The following PAK1 variants were observed in gnomAD, a reference collection of about 807,000 sequenced individuals.
The protein encoded by PAK1 is p21 (RAC1) activated kinase 1.
A neutral mutation model predicts 67.4 loss-of-function variants in PAK1; 29 were observed. The ratio of observed to expected loss-of-function variants is 0.43; its 90% CI spans 0.32 to 0.59. The LOEUF (loss-of-function observed/expected upper bound fraction) is 0.59, where lower values mean the gene tolerates loss of function less well. PAK1 is among the 20% of genes least tolerant of loss of function. The probability of loss-of-function intolerance (pLI) is 0.07; values close to 1 mark genes in which losing one functional copy is unlikely to be tolerated. For missense variants in PAK1, 337 were observed against 670.7 expected (o/e 0.50, Z 5.50); for synonymous variants, 223 against 237.4 (o/e 0.94, Z 0.56).
chr11:77,491,137 G>GA, the PAK1 span, among the ~76,000 whole-genome samples: 26 of 92,950 alleles, frequency 2.8e-4, no homozygotes, highest in South Asian at 9.4e-4. Flanking sequence ...AAAAAAAAAA[G>GA]AAAAAAAAAA....
At chr11:77,390,657 C>T (rs914399685) in intron 2 of PAK1, among the ~76,000 whole-genome samples, 3 of 147,310 alleles carry the variant, frequency 2.0e-5, no homozygotes, top group Non-Finnish European at 3.0e-5. Context: ...CCACCATGCC[C>T]GACTCCTTTT....
chr11:77,403,241 T>C lies in PAK1; in HGVS notation c.-21-10700A>G, dbSNP rs577596415. 1.5e-4 allele frequency among the ~76,000 whole-genome samples: 23 copies of C among 152,348 alleles called. No homozygotes were observed. The East Asian group carries it at 4.2e-3, about 28-fold the overall frequency. The stretch of plus-strand genomic sequence containing the variant: ...GCTATCGCACATCTTTGCAGACTAC[T>C]ATTCACTTTCTGGTCACTCCCACTG... On this transcript the variant is annotated intron_variant, in intron 1 of 14. Coordinates refer to ENST00000356341, the MANE Select transcript of PAK1 (RefSeq NM_002576.5).
chr11:77,527,408 C>T, the PAK1 span, among the ~76,000 whole-genome samples: 1 of 152,126 alleles, frequency 6.6e-6, no homozygotes, highest in East Asian at 1.9e-4. Flanking sequence ...GGGCCTGGGT[C>T]ATTAATTTAT....
At chr11:77,423,737 T>A (rs1565692642) in intron 1 of PAK1, among the ~76,000 whole-genome samples, 1 of 152,216 alleles carries the variant, frequency 6.6e-6, no homozygotes, top group African/African-American at 2.4e-5. Flanking sequence ...CCCTATCACC[T>A]CTGTCTCAAT....
intron 2 of PAK1, among the ~76,000 whole-genome samples, chr11:77,387,793 A>G (rs1259561261): frequency 2.0e-5 from 3 of 152,242 alleles, no homozygotes; most frequent in East Asian, 1.9e-4. Flanking sequence ...AATCTGTGTT[A>G]TAAGTCCAGT....
the PAK1 span, among the ~76,000 whole-genome samples, chr11:77,488,258 T>A: frequency 6.6e-6 from 1 of 151,576 alleles, no homozygotes; most frequent in South Asian, 2.1e-4. Context: ...TGTAGTGATT[T>A]AAAAAAAAAC....
intron 1 of PAK1, among the ~76,000 whole-genome samples, chr11:77,450,286 T>A (rs1956798689): frequency 6.6e-6 from 1 of 152,154 alleles, no homozygotes; most frequent in Non-Finnish European, 1.5e-5. Context: ...GAATGATGTT[T>A]ACCTGATCAT....
chr11:77,338,465 T>C (rs1943074704), intron 11 of PAK1, among the ~76,000 whole-genome samples: 2 of 152,110 alleles, frequency 1.3e-5, no homozygotes, highest in South Asian at 2.1e-4. Flanking sequence ...GAAATTATGA[T>C]GAAAAAGAAT....
At position 77,332,816 on chromosome 11, in the gene PAK1, T is replaced by C; in HGVS notation, c.1465A>G (p.Lys489Glu). 1 of 1,613,330 alleles carries C rather than the reference T, an allele frequency of 6.2e-7. No individual in the cohort carries two copies. The highest frequency in any genetic ancestry group is 2.2e-5 in the East Asian group (1 of 44,868). The part of the protein sequence containing the change: ...NGTPELQNPE[K>E]LSAIFRDFLN... The stretch of plus-strand genomic sequence containing the variant: ...AAGTCCCGGAAGATAGCTGACAGCT[T>C]CTCTGGGTTCTGAAGTTCTGGGGTC... The change falls in exon 14 of 15, where the codon AAG becomes GAG. Residue 489 changes from lysine (K) to glutamate (E), a missense_variant. By Grantham distance (56) the Lys-to-Glu change is moderately conservative. Coordinates refer to ENST00000356341, the MANE Select transcript of PAK1 (RefSeq NM_002576.5).
intron 1 of PAK1, among the ~76,000 whole-genome samples, chr11:77,412,582 C>T (rs1954682310): frequency 6.6e-6 from 1 of 152,040 alleles, no homozygotes; most frequent in Non-Finnish European, 1.5e-5. Context: ...GTACCTGCCA[C>T]CACACCCAGT....
the PAK1 span, among the ~76,000 whole-genome samples, chr11:77,522,550 T>C: frequency 2.8e-4 from 43 of 152,262 alleles, 1 homozygote; most frequent in East Asian, 7.9e-3. Context: ...AGAATGGCTA[T>C]TACCAAAAAG....
chr11:77,364,287 C>G (rs1197422809), intron 5 of PAK1, among the ~76,000 whole-genome samples: 2 of 152,210 alleles, frequency 1.3e-5, no homozygotes. Context: ...ACTCCCCTAC[C>G]TACACATAGA....
chr11:77,431,261 T>C (rs1170483876), intron 1 of PAK1, among the ~76,000 whole-genome samples: 1 of 152,274 alleles, frequency 6.6e-6, no homozygotes, highest in East Asian at 1.9e-4. Context: ...TGCTACATTA[T>C]GCAACTCTAC....
At chr11:77,528,897 T>C in the PAK1 span, among the ~76,000 whole-genome samples, 2 of 152,354 alleles carry the variant, frequency 1.3e-5, no homozygotes, top group South Asian at 4.1e-4. Flanking sequence ...TGGTGTTGTA[T>C]ACTTCCTACT....
intron 9 of PAK1, 122 bp from the exon 10 acceptor site, chr11:77,344,053 A>G (rs1944038959): frequency 1.5e-6 from 1 of 667,258 alleles, no homozygotes; most frequent in South Asian, 1.7e-5. Flanking sequence ...TTAGCCCTCG[A>G]GTAATTCACA....
chr11:77,325,419 T>G (rs747382349), intron 14 of PAK1: 18 of 1,601,948 alleles, frequency 1.1e-5, no homozygotes, highest in Non-Finnish European at 1.5e-5. Context: ...AGAGTTGTTG[T>G]AAAGGACAAT....
chr11:77,423,315 A>G (rs1592415270), intron 1 of PAK1, among the ~76,000 whole-genome samples: 1 of 147,126 alleles, frequency 6.8e-6, no homozygotes, highest in Admixed American at 6.8e-5. Flanking sequence ...GCAGGCAATC[A>G]CTCTTTCCAA....
intron 14 of PAK1, among the ~76,000 whole-genome samples, chr11:77,330,926 A>G (rs1161699382): frequency 6.6e-6 from 1 of 152,210 alleles, no homozygotes; most frequent in Admixed American, 6.5e-5. Flanking sequence ...AACGAACTCA[A>G]ACAAATTTAC....
intron 1 of PAK1, among the ~76,000 whole-genome samples, chr11:77,409,377 A>G (rs1954149433): frequency 6.6e-6 from 1 of 152,204 alleles, no homozygotes. Context: ...TAGAGCCACT[A>G]TGGAGAATAG....
Sources: gnomAD v4.1 joint callset for allele counts (sites outside exome capture counted in the v4.1 genomes callset) on GRCh38, gnomAD v4.1.1 for gene constraint, MANE v1.5 for transcripts, NCBI Gene and HGNC (gene_info 2026-07-23, HGNC 2026-07-21) for gene names.